The following GARRE1 variants were observed in gnomAD, a reference collection of about 807,000 sequenced individuals.
The protein encoded by GARRE1 is granule associated Rac and RHOG effector protein 1.
In GARRE1, 49 loss-of-function variants were observed where a neutral mutation model predicts 103.2. That is an observed-to-expected ratio of 0.47 (90% CI 0.38 to 0.60). The LOEUF (loss-of-function observed/expected upper bound fraction) is 0.60. Among genes scored for constraint, GARRE1 ranks in the 20% least tolerant of loss-of-function variants. GARRE1 has a pLI of 0.00. For synonymous variants in GARRE1, 505 were observed against 532.8 expected (o/e 0.95, Z 0.72); for missense variants, 1,199 against 1,370.5 (o/e 0.87, Z 1.98).
chr19:34,260,024 A>G (rs749812829), intron 1 of GARRE1, among the ~76,000 whole-genome samples: 3 of 152,186 alleles, frequency 2.0e-5, no homozygotes, highest in Non-Finnish European at 4.4e-5. Flanking sequence ...GGAACTGTGA[A>G]TCAATTAAGC....
chr19:34,330,255 C>A lies in GARRE1; in HGVS notation c.1171C>A (p.Pro391Thr), dbSNP rs147083022. The A allele has an allele frequency of 1.2e-6, 2 of 1,614,044 alleles. No homozygotes were observed. Among genetic ancestry groups the A allele is most frequent in the African/African-American group, 2.7e-5 (2 of 74,930 alleles). ...YNGITSRDDFPVTEVLNQVCP... is the reference protein window; with the variant it reads ...YNGITSRDDFTVTEVLNQVCP... ...TGGAATCACATCCAGGGATGATTTT[C>A]CTGTGACTGAAGTGCTGAACCAGGT... The change falls in exon 7 of 14, where the codon CCT (proline) becomes ACT (threonine). Residue 391 changes from proline (P) to threonine (T), a missense_variant. Transcript: ENST00000299505.
At chr19:34,352,552 C>A in intron 13 of GARRE1, 95 bp from the exon 14 acceptor site, 2 of 1,046,942 alleles carry the variant, frequency 1.9e-6, no homozygotes, top group Non-Finnish European at 1.4e-6. Context: ...TCTCACCCGG[C>A]TTCCTAGGAG....
intron 3 of GARRE1, 23 bp from the exon 4 acceptor site, chr19:34,327,398 A>G (rs1312127631): frequency 1.2e-6 from 2 of 1,611,738 alleles, no homozygotes; most frequent in East Asian, 2.2e-5. Flanking sequence ...TCTTTTACCT[A>G]CCAGTTACTA....
chr19:34,339,436 C>T (rs923267328), intron 8 of GARRE1, among the ~76,000 whole-genome samples: 2 of 152,206 alleles, frequency 1.3e-5, no homozygotes, highest in Non-Finnish European at 2.9e-5. Flanking sequence ...GGCTCCAAGC[C>T]TCCATGCCCT....
At position 34,352,747 on chromosome 19, in the gene GARRE1, C is replaced by G. The variant is rs748844936; in HGVS notation, c.3005C>G (p.Thr1002Ser). 1 of 1,614,152 alleles carries G rather than the reference C, an allele frequency of 6.2e-7. No homozygotes were observed. The highest frequency in any genetic ancestry group is 8.5e-7 in the Non-Finnish European group (1 of 1,180,024). ...CCCAGCGCACCACTCTATGCAGTCACCAGCCCTGGCAGCCAGTGGAACGAC... is the reference window on the plus strand; with the variant it reads ...CCCAGCGCACCACTCTATGCAGTCAGCAGCCCTGGCAGCCAGTGGAACGAC... ...PSPSAPLYAV[T>S]SPGSQWNDTM... Residue 1002 changes from threonine (T) to serine (S), a missense_variant, in exon 14 of 14, where the codon ACC becomes AGC. Coordinates refer to ENST00000299505, the MANE Select transcript of GARRE1 (RefSeq NM_014686.5).
Position 34,341,848 on chromosome 19 carries a change from G to GA in GARRE1, c.1916dup (p.Asn639LysfsTer5). On this transcript the variant is annotated frameshift_variant, in exon 10 of 14. Coordinates refer to ENST00000299505, the MANE Select transcript of GARRE1 (RefSeq NM_014686.5). LOFTEE classifies it high-confidence loss of function. Reference sequence around the variant, plus strand: ...ATGACGGCAAGGATGAGAAGGGTATGAACTTACCAACTGATCAGGAAATGC... The same window carrying GA: ...ATGACGGCAAGGATGAGAAGGGTATGAAACTTACCAACTGATCAGGAAATGC... 6.2e-7 allele frequency: 1 copy of GA among 1,614,144 alleles called. No individual in the cohort carries two copies. The highest frequency in any genetic ancestry group is 8.5e-7 in the Non-Finnish European group (1 of 1,180,010).
intron 3 of GARRE1, among the ~76,000 whole-genome samples, chr19:34,320,667 A>G (rs1373623394): frequency 2.0e-5 from 3 of 152,082 alleles, no homozygotes; most frequent in African/African-American, 7.2e-5. Context: ...ATCATTCCCT[A>G]TAGAAGTGCT....
intron 6 of GARRE1, among the ~76,000 whole-genome samples, chr19:34,329,040 A>G (rs2074125660): frequency 6.6e-6 from 1 of 152,204 alleles, no homozygotes; most frequent in Non-Finnish European, 1.5e-5. Context: ...ATGTTGTTAT[A>G]ATGCTGCAGT....
chr19:34,282,352 A>T (rs774620572), intron 1 of GARRE1, among the ~76,000 whole-genome samples: 9 of 152,112 alleles, frequency 5.9e-5, no homozygotes, highest in South Asian at 4.1e-4. Flanking sequence ...GGGTTTCACC[A>T]TGCTGGCCAG....
intron 1 of GARRE1, among the ~76,000 whole-genome samples, chr19:34,277,377 C>CT (rs1247167268): frequency 6.6e-6 from 1 of 152,174 alleles, no homozygotes; most frequent in Non-Finnish European, 1.5e-5. Flanking sequence ...CCCCAAGGGT[C>CT]TATCAGAATC....
chr19:34,331,216 A>C (rs1016359745), intron 7 of GARRE1, among the ~76,000 whole-genome samples: 2 of 151,790 alleles, frequency 1.3e-5, no homozygotes, highest in African/African-American at 4.8e-5. Context: ...AAAAAAGAAA[A>C]AAACATTACA....
At chr19:34,268,123 CCT>C (rs1037904619) in intron 1 of GARRE1, among the ~76,000 whole-genome samples, 5 of 152,018 alleles carry the variant, frequency 3.3e-5, no homozygotes, top group South Asian at 4.2e-4. Flanking sequence ...ATTTTCACCC[CCT>C]GATTTACACT....
rs999785875 is a variant in GARRE1 at position 34,299,682 on chromosome 19, A to G, written c.-792A>G. 2.0e-5 allele frequency: 3 copies of G among 152,174 alleles called. No homozygotes were observed. Among genetic ancestry groups the G allele is most frequent in the Admixed American group, 6.5e-5 (1 of 15,270 alleles). 9.4% of individuals were successfully genotyped at this position (152,174 alleles called of 1,614,324 possible). On this transcript the variant is annotated 5_prime_UTR_variant, in exon 2 of 14. Coordinates refer to ENST00000299505, the MANE Select transcript of GARRE1 (RefSeq NM_014686.5). Reference sequence around the variant, plus strand: ...ATCTTATTTTTCCCCCCGACAGGAAAGGACTTAGAAGCCTTACAAATACAT... The same window carrying G: ...ATCTTATTTTTCCCCCCGACAGGAAGGGACTTAGAAGCCTTACAAATACAT...
At chr19:34,328,626 C>T (rs1000749407) in intron 6 of GARRE1, among the ~76,000 whole-genome samples, 4 of 151,548 alleles carry the variant, frequency 2.6e-5, no homozygotes, top group African/African-American at 7.3e-5. Flanking sequence ...TTTTTTGAGA[C>T]GGAGTTTTAC....
intron 2 of GARRE1, among the ~76,000 whole-genome samples, chr19:34,304,441 T>G (rs889271298): frequency 2.7e-5 from 4 of 148,994 alleles, no homozygotes; most frequent in Non-Finnish European, 5.9e-5. Flanking sequence ...AGTGGCGTGG[T>G]CTTGGCTCAC....
At chr19:34,278,871 C>T (rs1336459712) in intron 1 of GARRE1, among the ~76,000 whole-genome samples, 2 of 152,078 alleles carry the variant, frequency 1.3e-5, no homozygotes, top group Non-Finnish European at 2.9e-5. Context: ...AGGGTCTCGC[C>T]ATGTTGCCCA....
intron 1 of GARRE1, among the ~76,000 whole-genome samples, chr19:34,277,328 A>G (rs563848297): frequency 6.6e-6 from 1 of 152,324 alleles, no homozygotes; most frequent in South Asian, 2.1e-4. Context: ...GCAGAAAGGA[A>G]TAAAAATGAA....
intron 1 of GARRE1, among the ~76,000 whole-genome samples, chr19:34,276,237 T>G (rs977156308): frequency 6.6e-6 from 1 of 152,120 alleles, no homozygotes; most frequent in Non-Finnish European, 1.5e-5. Flanking sequence ...GAGATGGGGT[T>G]TCGCCATGTT....
intron 6 of GARRE1, among the ~76,000 whole-genome samples, chr19:34,328,974 T>TA (rs1431141290): frequency 6.6e-6 from 1 of 152,202 alleles, no homozygotes; most frequent in Non-Finnish European, 1.5e-5. Context: ...CACTATAAGA[T>TA]ATTGTTTATG....
Sources: allele counts gnomAD v4.1 joint callset (sites outside exome capture counted in the v4.1 genomes callset), GRCh38; gene constraint gnomAD v4.1.1; transcripts MANE v1.5; gene names NCBI Gene and HGNC (gene_info 2026-07-23, HGNC 2026-07-21).